Variants in SMYD3 observed in about 807,000 individuals in gnomAD.
SMYD3 encodes SET and MYND domain containing 3.
A neutral mutation model predicts 57.7 loss-of-function variants in SMYD3; 36 were observed. The observed-to-expected ratio is 0.62, with a 90% CI of 0.48 to 0.82. The LOEUF is 0.82. SMYD3 is among the 40% of genes least tolerant of loss of function. SMYD3 has a pLI of 0.00. For missense variants in SMYD3, 515 were observed against 538.8 expected (o/e 0.96, Z 0.44); for synonymous variants, 211 against 195.0 (o/e 1.08, Z -0.68).
intron 8 of SMYD3, among the ~76,000 whole-genome samples, chr1:245,898,024 T>A (rs761482116): frequency 2.0e-5 from 3 of 152,200 alleles, no homozygotes; most frequent in Non-Finnish European, 4.4e-5. Flanking sequence ...AGGGAAAAAC[T>A]GCTCTGGCTG....
At chr1:246,218,398 C>T (rs1341979239) in intron 5 of SMYD3, among the ~76,000 whole-genome samples, 2 of 151,910 alleles carry the variant, frequency 1.3e-5, no homozygotes, top group Non-Finnish European at 1.5e-5. Context: ...CCGAGGCAGG[C>T]GGATCACGAG....
At chr1:246,115,252 G>A (rs1198568048) in intron 5 of SMYD3, among the ~76,000 whole-genome samples, 1 of 152,202 alleles carries the variant, frequency 6.6e-6, no homozygotes, top group Non-Finnish European at 1.5e-5. Flanking sequence ...AAGAGTTAGA[G>A]GTAACAGTAG....
chr1:246,078,805 T>C lies in SMYD3; in HGVS notation c.532-148868A>G, dbSNP rs562121120. On this transcript the variant is annotated intron_variant, in intron 5 of 11. Coordinates refer to ENST00000490107, the MANE Select transcript of SMYD3 (RefSeq NM_001167740.2). The stretch of plus-strand genomic sequence containing the variant: ...TGTATTGACTGACTGAATGTAAAGA[T>C]AAGGGAGAGGGAAAAGTCAACGATG... Among the ~76,000 whole-genome samples, 5 of 152,226 alleles carry C rather than the reference T, an allele frequency of 3.3e-5. No individual in the cohort carries two copies. In the South Asian group the frequency reaches 8.3e-4, roughly 25 times the overall value.
chr1:245,921,572 C>CAAAT, intron 7 of SMYD3, among the ~76,000 whole-genome samples: 1 of 140,000 alleles, frequency 7.1e-6, no homozygotes, highest in African/African-American at 2.7e-5. Context: ...TATATATATA[C>CAAAT]ACATACCATG....
chr1:245,816,057 A>C (rs1166526096), intron 10 of SMYD3, among the ~76,000 whole-genome samples: 21 of 152,202 alleles, frequency 1.4e-4, no homozygotes, highest in Admixed American at 1.4e-3. Flanking sequence ...ACAGTATCTC[A>C]AGGATATTTT....
chr1:246,399,044 CAG>C (rs1186486659), intron 1 of SMYD3, among the ~76,000 whole-genome samples: 4 of 152,092 alleles, frequency 2.6e-5, no homozygotes, highest in African/African-American at 7.2e-5. Context: ...TGTTTTGAGA[CAG>C]AGTCTTGCTC....
At chr1:246,320,144 AT>A (rs199923143) in intron 5 of SMYD3, among the ~76,000 whole-genome samples, 25 of 152,008 alleles carry the variant, frequency 1.6e-4, no homozygotes, top group Admixed American at 9.8e-4. Flanking sequence ...AGCTTCTCCA[AT>A]TTAAAAAAAA....
At chr1:246,425,678 G>A (rs752488887) in intron 1 of SMYD3, among the ~76,000 whole-genome samples, 15 of 152,096 alleles carry the variant, frequency 9.9e-5, no homozygotes, top group African/African-American at 2.7e-4. Flanking sequence ...CAATAGTTGC[G>A]GCCTGTTCAT....
At chr1:246,081,704 A>AT (rs535512819) in intron 5 of SMYD3, among the ~76,000 whole-genome samples, 6 of 151,918 alleles carry the variant, frequency 3.9e-5, no homozygotes, top group East Asian at 1.9e-4. Context: ...CCTAGCTTCT[A>AT]TTTTTTTTAA....
At chr1:245,822,555 G>GA (rs11431887) in intron 10 of SMYD3, among the ~76,000 whole-genome samples, 6,879 of 135,372 alleles carry the variant, frequency 0.051, 362 homozygotes, top group African/African-American at 0.14. Context: ...AATAATAAAA[G>GA]AAAAAAAAAA....
At chr1:246,062,101 C>A (rs2060263962) in intron 5 of SMYD3, among the ~76,000 whole-genome samples, 1 of 152,170 alleles carries the variant, frequency 6.6e-6, no homozygotes, top group African/African-American at 2.4e-5. Context: ...ACGAATCCCA[C>A]AGGTTAAATG....
At chr1:246,443,602 G>A (rs1474244399) in intron 1 of SMYD3, among the ~76,000 whole-genome samples, 6 of 152,168 alleles carry the variant, frequency 3.9e-5, no homozygotes, top group Non-Finnish European at 7.3e-5. Flanking sequence ...GGGAGGGTTG[G>A]GCTGGTGTAG....
chr1:246,222,269 T>C (rs2063267365), intron 5 of SMYD3, among the ~76,000 whole-genome samples: 1 of 152,142 alleles, frequency 6.6e-6, no homozygotes, highest in Non-Finnish European at 1.5e-5. Context: ...AGGTATTGTG[T>C]TCACATTCAT....
At position 245,801,068 on chromosome 1, in the gene SMYD3, C is replaced by T. The variant is rs576632453; in HGVS notation, c.1077-36919G>A. Among the ~76,000 whole-genome samples, 3 of 152,274 alleles carry T rather than the reference C, an allele frequency of 2.0e-5. No individual in the cohort carries two copies. The South Asian group carries it at 6.2e-4, about 32-fold the overall frequency. Reference sequence around the variant, plus strand: ...TATGCAGGGGGGCCAGAACTGACTACGTCTTATTTGACTTTTAAAGTCAAG... The same window carrying T: ...TATGCAGGGGGGCCAGAACTGACTATGTCTTATTTGACTTTTAAAGTCAAG... On this transcript the variant is annotated intron_variant, in intron 10 of 11. Coordinates refer to ENST00000490107, the MANE Select transcript of SMYD3 (RefSeq NM_001167740.2).
intron 7 of SMYD3, among the ~76,000 whole-genome samples, chr1:245,920,591 G>A (rs1368075895): frequency 1.3e-5 from 2 of 152,034 alleles, no homozygotes; most frequent in Non-Finnish European, 2.9e-5. Flanking sequence ...TGAGCTCCCC[G>A]ACTTCAGGCT....
intron 1 of SMYD3, among the ~76,000 whole-genome samples, chr1:246,382,338 C>A (rs2066402143): frequency 6.6e-6 from 1 of 151,976 alleles, no homozygotes; most frequent in Non-Finnish European, 1.5e-5. Flanking sequence ...CACTAGAATG[C>A]CAGGTCAGTC....
At chr1:246,282,039 G>A (rs2064452803) in intron 5 of SMYD3, among the ~76,000 whole-genome samples, 1 of 152,056 alleles carries the variant, frequency 6.6e-6, no homozygotes. Flanking sequence ...CAAATGATGT[G>A]AAAAATAGTT....
chr1:245,773,081 G>A (rs1354320813), intron 10 of SMYD3, among the ~76,000 whole-genome samples: 5 of 134,470 alleles, frequency 3.7e-5, no homozygotes, highest in South Asian at 2.6e-4. Context: ...TGGGGGTGGG[G>A]AGAATCACTA....
intron 7 of SMYD3, among the ~76,000 whole-genome samples, chr1:245,922,773 C>T (rs560884262): frequency 4.3e-4 from 65 of 152,226 alleles, no homozygotes; most frequent in Admixed American, 9.2e-4. Flanking sequence ...TTATTACTAA[C>T]CCCCTCCACA....
Sources: allele counts gnomAD v4.1 joint callset (sites outside exome capture counted in the v4.1 genomes callset), GRCh38; gene constraint gnomAD v4.1.1; transcripts MANE v1.5; gene names NCBI Gene and HGNC (gene_info 2026-07-23, HGNC 2026-07-21).